Variants in CRLS1 observed in about 807,000 individuals in gnomAD.
The protein encoded by CRLS1 is cardiolipin synthase (CMP-forming).
In CRLS1, 24 loss-of-function variants were observed where a neutral mutation model predicts 37.0. The observed-to-expected ratio is 0.65, with a 90% CI of 0.47 to 0.91. The LOEUF is 0.91. Ranked by LOEUF, CRLS1 falls within the 40% of genes least tolerant of loss-of-function variation. The pLI is 0.00. For synonymous variants in CRLS1, 135 were observed against 159.7 expected (o/e 0.85, Z 1.17); for missense variants, 373 against 395.8 (o/e 0.94, Z 0.49).
intron 2 of CRLS1, among the ~76,000 whole-genome samples, chr20:6,011,215 T>C (rs1205900189): frequency 6.6e-6 from 1 of 152,174 alleles, no homozygotes; most frequent in African/African-American, 2.4e-5. Context: ...AACTAATTTA[T>C]GTTTGAAAAG....
In CRLS1 at chr20:6,038,530, G is replaced by C. The variant is rs757352993; in HGVS notation, c.*1372G>C. Reference sequence around the variant, plus strand: ...AAGCATACTGAAGCCTGCAGCCAGGGACACCGCCATTGAATCAGATGGAGG... The same window carrying C: ...AAGCATACTGAAGCCTGCAGCCAGGCACACCGCCATTGAATCAGATGGAGG... On this transcript the variant is annotated 3_prime_UTR_variant, in exon 7 of 7. Transcript: ENST00000378863. 1.3e-5 allele frequency: 2 copies of C among 152,298 alleles called. No individual in the cohort carries two copies. The highest frequency in any genetic ancestry group is 2.4e-5 in the African/African-American group (1 of 41,454). The allele number at this position is 152,298 out of a possible 1,614,324, so 9.4% of individuals were successfully genotyped here. A position where few individuals can be genotyped will look rare whatever the true frequency, so the allele number is the denominator to read the frequency against.
At chr20:6,022,910 C>T (rs1042915710) in intron 3 of CRLS1, among the ~76,000 whole-genome samples, 5 of 152,098 alleles carry the variant, frequency 3.3e-5, no homozygotes, top group African/African-American at 1.2e-4. Context: ...TCCCCGTATC[C>T]ATTACATCTC....
chr20:6,027,858 G>C (rs1377840323), intron 3 of CRLS1, among the ~76,000 whole-genome samples: 1 of 152,206 alleles, frequency 6.6e-6, no homozygotes, highest in East Asian at 1.9e-4. Context: ...GGGAACGCTT[G>C]GGGCGGGGAT....
chr20:6,016,092 G>A (rs1402250358), intron 3 of CRLS1: 1 of 154,224 alleles, frequency 6.5e-6, no homozygotes, highest in Non-Finnish European at 1.4e-5. Context: ...AAGTTAAACT[G>A]TTTTTTTCCC....
At chr20:6,029,342 G>C (rs2123010346) in intron 3 of CRLS1, among the ~76,000 whole-genome samples, 1 of 148,392 alleles carries the variant, frequency 6.7e-6, no homozygotes, top group Middle Eastern at 3.4e-3. Flanking sequence ...ATTTTAATTT[G>C]CATGGATTTG....
intron 3 of CRLS1, among the ~76,000 whole-genome samples, chr20:6,023,742 G>A (rs1365155211): frequency 7.7e-6 from 1 of 129,680 alleles, no homozygotes; most frequent in African/African-American, 2.9e-5. Context: ...CATGTTCTTT[G>A]TCTTCATTAA....
At chr20:6,019,388 T>G (rs1409622096) in intron 3 of CRLS1, among the ~76,000 whole-genome samples, 5 of 152,168 alleles carry the variant, frequency 3.3e-5, no homozygotes, top group Admixed American at 6.5e-5. Context: ...ATTTATTTAC[T>G]TACTACTCCT....
chr20:6,018,191 G>A lies in CRLS1; in HGVS notation c.574+2701G>A, dbSNP rs1978911680. The stretch of plus-strand genomic sequence containing the variant: ...AGATTATACCACTGCACTCCAGCCC[G>A]AGTGATGGAGTGAGACTCTGTCCTC... On this transcript the variant is annotated intron_variant, in intron 3 of 6. Transcript: ENST00000378863. Among the ~76,000 whole-genome samples the A allele has an allele frequency of 5.6e-5, 7 of 124,192 alleles. No individual in the cohort carries two copies. In the South Asian group the frequency reaches 1.6e-3, roughly 29 times the overall value. The allele number at this position is 124,192 out of a possible 152,430, so 81.5% of individuals were successfully genotyped here.
intron 3 of CRLS1, among the ~76,000 whole-genome samples, chr20:6,025,330 G>A (rs1979588627): frequency 6.6e-6 from 1 of 152,124 alleles, no homozygotes; most frequent in Admixed American, 6.5e-5. Flanking sequence ...TCTAGAAATG[G>A]AATAGCAAAG....
rs1446542406 is a variant in CRLS1 at position 6,006,271 on chromosome 20, G to T, written c.25G>T (p.Gly9Cys). Reference sequence around the variant, plus strand: ...CATGCTAGCCTTGCGCGTGGCGCGCGGCTCGTGGGGGGCCCTGCGCGGCGC... The same window carrying T: ...CATGCTAGCCTTGCGCGTGGCGCGCTGCTCGTGGGGGGCCCTGCGCGGCGC... MLALRVAR[G>C]SWGALRGAAW... Residue 9 changes from glycine to cysteine, a missense_variant, in exon 1 of 7, where the codon GGC (glycine) becomes TGC (cysteine). Coordinates refer to ENST00000378863, the MANE Select transcript of CRLS1 (RefSeq NM_019095.6). 1 of 1,254,082 alleles carries T rather than the reference G, an allele frequency of 8.0e-7. No homozygotes were observed. The allele number at this position is 1,254,082 out of a possible 1,614,324, so 77.7% of individuals were successfully genotyped here. A position where few individuals can be genotyped will look rare whatever the true frequency, so the allele number is the denominator to read the frequency against.
chr20:6,028,804 G>A (rs1979919211), intron 3 of CRLS1: 1 of 152,236 alleles, frequency 6.6e-6, no homozygotes, highest in African/African-American at 2.4e-5. Flanking sequence ...ATGTTTCAGA[G>A]TTAGCAAGTA....
chr20:6,021,409 A>G (rs1979280194), intron 3 of CRLS1, among the ~76,000 whole-genome samples: 1 of 152,124 alleles, frequency 6.6e-6, no homozygotes, highest in Admixed American at 6.6e-5. Context: ...GTGAATATGA[A>G]TTAGAATTGT....
In CRLS1 at chr20:6,006,161, C is replaced by T. The variant is rs2090050361; in HGVS notation, c.-86C>T. On this transcript the variant is annotated 5_prime_UTR_variant, in exon 1 of 7. Transcript: ENST00000378863. ...CGGTAGCCCAGTGTCTGAGTGGTTG[C>T]CGGGTCTCCATGGAGAAGCGGCTCG... 1 of 724,102 alleles carries T rather than the reference C, an allele frequency of 1.4e-6. No homozygotes were observed. The highest frequency in any genetic ancestry group is 1.9e-6 in the Non-Finnish European group (1 of 531,360). The allele number at this position is 724,102 out of a possible 1,614,324, so 44.9% of individuals were successfully genotyped here.
chr20:6,036,995 G>T, intron 6 of CRLS1, 79 bp from the exon 7 acceptor site: 1 of 934,260 alleles, frequency 1.1e-6, no homozygotes, highest in Non-Finnish European at 1.7e-6. Flanking sequence ...TAAATTCATT[G>T]CATGTATTCA....
intron 1 of CRLS1, 92 bp downstream of exon 1, chr20:6,006,644 C>A (rs2090060122): frequency 8.2e-7 from 1 of 1,214,854 alleles, no homozygotes; most frequent in Non-Finnish European, 1.0e-6. Flanking sequence ...GCAGCTCGGA[C>A]GCTTCCGTTT....
chr20:6,031,328 T>A lies in CRLS1; in HGVS notation c.618T>A (p.Ile206=). 6.2e-7 allele frequency: 1 copy of A among 1,610,254 alleles called. No homozygotes were observed. Among genetic ancestry groups the A allele is most frequent in the Non-Finnish European group, 8.5e-7 (1 of 1,178,378 alleles). Residue 206 remains isoleucine, a synonymous_variant, in exon 4 of 7, where the codon ATT becomes ATA. Coordinates refer to ENST00000378863, the MANE Select transcript of CRLS1 (RefSeq NM_019095.6). ...TCATTTCGAGAGATGTAATGTTGATTGCTGCTGTTTTTTATGTCAGATACC... is the reference window on the plus strand; with the variant it reads ...TCATTTCGAGAGATGTAATGTTGATAGCTGCTGTTTTTTATGTCAGATACC... ...YMIISRDVML[I]AAVFYVRYRT... is the part of the protein sequence containing the mutation.
chr20:6,006,157 G>C lies in CRLS1; in HGVS notation c.-90G>C. On this transcript the variant is annotated 5_prime_UTR_variant, in exon 1 of 7. Transcript: ENST00000378863. ...GCAGCGGTAGCCCAGTGTCTGAGTG[G>C]TTGCCGGGTCTCCATGGAGAAGCGG... 1 of 669,700 alleles carries C rather than the reference G, an allele frequency of 1.5e-6. No homozygotes were observed. The highest frequency in any genetic ancestry group is 2.1e-6 in the Non-Finnish European group (1 of 481,636). The allele number at this position is 669,700 out of a possible 1,614,324, so 41.5% of individuals were successfully genotyped here. A position where few individuals can be genotyped will look rare whatever the true frequency, so the allele number is the denominator to read the frequency against.
At chr20:6,015,001 TC>T (rs976980623) in intron 2 of CRLS1, among the ~76,000 whole-genome samples, 43 of 152,306 alleles carry the variant, frequency 2.8e-4, no homozygotes, top group African/African-American at 1.0e-3. Context: ...GCTCTGCCGT[TC>T]ATGCTTTCTT....
chr20:6,008,548 C>T (rs2090090033), intron 1 of CRLS1, among the ~76,000 whole-genome samples: 2 of 152,190 alleles, frequency 1.3e-5, no homozygotes, highest in Non-Finnish European at 1.5e-5. Context: ...TGCAAAGCCC[C>T]CAGATGGGAG....
Sources: gnomAD v4.1 joint callset for allele counts (sites outside exome capture counted in the v4.1 genomes callset) on GRCh38, gnomAD v4.1.1 for gene constraint, MANE v1.5 for transcripts, NCBI Gene and HGNC (gene_info 2026-07-23, HGNC 2026-07-21) for gene names.